Variants in GSE1 observed in about 807,000 individuals in gnomAD.
GSE1 encodes the protein genetic suppressor element 1.
A neutral mutation model predicts 112.6 loss-of-function variants in GSE1; 32 were observed. The ratio of observed to expected loss-of-function variants is 0.28; its 90% CI spans 0.21 to 0.38. The LOEUF (loss-of-function observed/expected upper bound fraction) is 0.38, where lower values mean the gene tolerates loss of function less well. Ranked by LOEUF, GSE1 falls within the 10% of genes least tolerant of loss-of-function variation. The pLI, the probability that GSE1 is intolerant of heterozygous loss-of-function variation, is 1.00. For missense variants in GSE1, 2,348 were observed against 1,699.2 expected (o/e 1.38, Z -6.71); for synonymous variants, 1,115 against 735.6 (o/e 1.52, Z -8.35).
intron 2 of GSE1, among the ~76,000 whole-genome samples, chr16:85,516,834 A>C (rs561454451): frequency 2.2e-4 from 29 of 132,940 alleles, no homozygotes; most frequent in Non-Finnish European, 3.5e-4. Context: ...GTCTCGCTCT[A>C]TCGCCCAGGC....
At chr16:85,572,619 C>T (rs2046057247) in intron 1 of GSE1, among the ~76,000 whole-genome samples, 1 of 152,160 alleles carries the variant, frequency 6.6e-6, no homozygotes, top group East Asian at 1.9e-4. Context: ...TTTTCCAGAG[C>T]AGGTTAAATG....
chr16:85,478,838 ATTTTCTTTCTTTCTTTCT>A (rs2050546156), intron 2 of GSE1, among the ~76,000 whole-genome samples: 1 of 124,738 alleles, frequency 8.0e-6, no homozygotes, highest in East Asian at 2.9e-4. Context: ...CCGCTCATTT[ATTTTCTTTCTTTCTTTCT>A]TTCTTTCTTT....
intron 1 of GSE1, among the ~76,000 whole-genome samples, chr16:85,333,302 A>T (rs1232860536): frequency 6.6e-6 from 1 of 152,210 alleles, no homozygotes; most frequent in Non-Finnish European, 1.5e-5. Context: ...GGTCATCTAG[A>T]ACAGTCTTCC....
upstream of GSE1, chr16:85,611,515 C>A: frequency 2.0e-6 from 2 of 981,496 alleles, no homozygotes; most frequent in South Asian, 9.4e-5. Context: ...CGTGCCAGGG[C>A]CGGCCAGCGT....
At chr16:85,665,196 G>A (rs1048793974) in intron 12 of GSE1, 68 bp downstream of exon 12, 99 of 867,110 alleles carry the variant, frequency 1.1e-4, no homozygotes, top group Non-Finnish European at 1.7e-4. Context: ...GCTCAGAGGC[G>A]ACCACTCGAG....
intron 3 of GSE1, among the ~76,000 whole-genome samples, chr16:85,649,949 A>G (rs1003327222): frequency 1.3e-5 from 2 of 152,120 alleles, no homozygotes; most frequent in African/African-American, 4.8e-5. Flanking sequence ...GCCCTGATCC[A>G]GGGTCCCAGT....
intron 2 of GSE1, among the ~76,000 whole-genome samples, chr16:85,634,952 C>T (rs952117606): frequency 3.9e-5 from 6 of 152,038 alleles, no homozygotes; most frequent in South Asian, 4.2e-4. Flanking sequence ...TGCTGACAGG[C>T]GGGGGGGCTG....
intron 2 of GSE1, among the ~76,000 whole-genome samples, chr16:85,639,502 G>A (rs556117287): frequency 6.9e-6 from 1 of 144,218 alleles, no homozygotes; most frequent in Non-Finnish European, 1.6e-5. Flanking sequence ...TGGGCGCCAG[G>A]CCTAGCCTGC....
At chr16:85,322,510 C>A (rs972277460) in intron 1 of GSE1, among the ~76,000 whole-genome samples, 1 of 152,048 alleles carries the variant, frequency 6.6e-6, no homozygotes, top group Non-Finnish European at 1.5e-5. Context: ...ACAGTGGATA[C>A]TTGCAGGGGT....
intron 8 of GSE1, among the ~76,000 whole-genome samples, chr16:85,658,690 C>T (rs908184780): frequency 4.6e-5 from 7 of 152,226 alleles, no homozygotes; most frequent in African/African-American, 1.7e-4. Flanking sequence ...CTCCCAGCCC[C>T]CGTCCCTGAG....
chr16:85,413,136 C>T (rs539664638), intron 2 of GSE1, among the ~76,000 whole-genome samples: 87 of 152,334 alleles, frequency 5.7e-4, no homozygotes, highest in Admixed American at 1.3e-3. Context: ...ATTTTGAAGC[C>T]TGTGTGTTTC....
At chr16:85,598,338 G>A (rs994090013) in intron 1 of GSE1, among the ~76,000 whole-genome samples, 2 of 152,208 alleles carry the variant, frequency 1.3e-5, no homozygotes. Context: ...GGCTGCCCAC[G>A]AGAGCCGGTC....
At chr16:85,657,141 A>G in intron 7 of GSE1, 136 bp from the exon 8 acceptor site, 1 of 591,700 alleles carries the variant, frequency 1.7e-6, no homozygotes, top group Non-Finnish European at 2.9e-6. Flanking sequence ...CCCCTTCTGA[A>G]TATCTTGGTT....
At chr16:85,383,549 C>G (rs1474071583) in intron 2 of GSE1, among the ~76,000 whole-genome samples, 1 of 54,232 alleles carries the variant, frequency 1.8e-5, no homozygotes, top group South Asian at 5.0e-4. Flanking sequence ...CTCTCTCTCT[C>G]TCTCTCTCTC....
Position 85,407,997 on chromosome 16 carries a change from G to GA in GSE1, c.2464+50354_2464+50355insA, listed in dbSNP as rs1232922469. Among the ~76,000 whole-genome samples, 32 of 52,320 alleles carry GA rather than the reference G, an allele frequency of 6.1e-4. 2 individuals are homozygous for GA. The highest frequency in any genetic ancestry group is 2.9e-3 in the South Asian group (3 of 1,018). The allele number at this position is 52,320 out of a possible 152,430, so 34.3% of individuals were successfully genotyped here. ...TGATAATCCTCACTGTTACACTCAG[G>GA]GCCCCCTGGATAATCCTCACTGTTA... On this transcript the variant is annotated intron_variant, in intron 2 of 2. Transcript: ENST00000637419.
rs568786577 is a variant in GSE1 at position 85,261,058 on chromosome 16, G to A, written c.2283+89251G>A. ...CCTGATGGGTCCTGGCCTCTCTCGG[G>A]TGCTCTGGTCACCAGGCCTCACCCA... On this transcript the variant is annotated intron_variant, in intron 1 of 2. Coordinates refer to the GSE1 transcript ENST00000637419. Among the ~76,000 whole-genome samples the A allele has an allele frequency of 5.9e-5, 9 of 152,300 alleles. No individual in the cohort carries two copies. The South Asian group carries it at 1.7e-3, about 28-fold the overall frequency.
chr16:85,675,814 A>C lies in GSE1; in HGVS notation c.*3275A>C, dbSNP rs1001591074. 9 of 152,222 alleles carry C rather than the reference A, an allele frequency of 5.9e-5. No individual in the cohort carries two copies. Among genetic ancestry groups the C allele is most frequent in the African/African-American group, 2.2e-4 (9 of 41,438 alleles). The allele number at this position is 152,222 out of a possible 1,614,324, so 9.4% of individuals were successfully genotyped here. ...TTAAAGTGTATATTAGCCACTTAGC[A>C]ATCTCTATATTCTTTCAAGTAACCA... On this transcript the variant is annotated 3_prime_UTR_variant, in exon 16 of 16. Coordinates refer to ENST00000253458, the MANE Select transcript of GSE1 (RefSeq NM_014615.5).
intron 1 of GSE1, among the ~76,000 whole-genome samples, chr16:85,231,111 T>C (rs1283155365): frequency 7.3e-6 from 1 of 136,642 alleles, no homozygotes; most frequent in African/African-American, 2.9e-5. Flanking sequence ...GATGAATGGA[T>C]GGATGAAAGG....
At chr16:85,302,170 T>G (rs2930235) in intron 1 of GSE1, among the ~76,000 whole-genome samples, 125,246 of 152,112 alleles carry the variant, frequency 0.82, 51,973 homozygotes, top group East Asian at 0.93. Context: ...CAGGAAGGGA[T>G]CGAGGAAATA....
Sources: allele counts gnomAD v4.1 joint callset (sites outside exome capture counted in the v4.1 genomes callset), GRCh38; gene constraint gnomAD v4.1.1; transcripts MANE v1.5; gene names NCBI Gene and HGNC (gene_info 2026-07-23, HGNC 2026-07-21).